The following TPM3 variants were observed in gnomAD, a reference collection of about 807,000 sequenced individuals.
TPM3 encodes the protein tropomyosin alpha-3 chain.
In TPM3, 16 loss-of-function variants were observed where a neutral mutation model predicts 43.1. That is an observed-to-expected ratio of 0.37 (90% CI 0.25 to 0.56). The LOEUF is 0.56. Among genes scored for constraint, TPM3 ranks in the 20% least tolerant of loss-of-function variants. TPM3 has a pLI of 0.77. For synonymous variants in TPM3, 101 were observed against 116.9 expected, an observed-to-expected ratio of 0.86 and a Z score of 0.88; for missense variants, 176 against 337.2, an observed-to-expected ratio of 0.52 and a Z score of 3.74.
At chr1:154,172,409 C>T (rs916343874) in intron 5 of TPM3, 27 of 593,046 alleles carry the variant, frequency 4.6e-5, no homozygotes, top group Non-Finnish European at 8.8e-5. Flanking sequence ...CCAAAACAGA[C>T]ACCAGATTTT....
intron 2 of TPM3, among the ~76,000 whole-genome samples, chr1:154,180,312 G>A (rs535988960): frequency 6.6e-6 from 1 of 152,236 alleles, no homozygotes; most frequent in East Asian, 1.9e-4. Flanking sequence ...ATCAGAGAGT[G>A]CAGTTTCCCG....
chr1:154,157,868 C>G, downstream of TPM3: 1 of 691,184 alleles, frequency 1.4e-6, no homozygotes. Flanking sequence ...ATTACATCAC[C>G]CAGTTTTGTA....
At chr1:154,161,738 C>T (rs937186408), downstream of TPM3, among the ~76,000 whole-genome samples, 1 of 151,900 alleles carries the variant, frequency 6.6e-6, no homozygotes, top group Non-Finnish European at 1.5e-5. Flanking sequence ...CACCCAGCCG[C>T]GTTATCAGGA....
intron 2 of TPM3, among the ~76,000 whole-genome samples, chr1:154,181,492 C>A (rs954269976): frequency 2.0e-5 from 3 of 152,222 alleles, no homozygotes; most frequent in African/African-American, 4.8e-5. Flanking sequence ...TTACTTTACT[C>A]TCTCAAGATC....
chr1:154,174,629 G>C (rs111725056), intron 3 of TPM3, among the ~76,000 whole-genome samples: 198 of 149,620 alleles, frequency 1.3e-3, no homozygotes, highest in African/African-American at 4.6e-3. Context: ...TGAGTAGCTG[G>C]GATTACAGGC....
Position 154,186,431 on chromosome 1 carries a change from G to A in TPM3, c.243+4755C>T, listed in dbSNP as rs1663412549. Among the ~76,000 whole-genome samples, 3 of 151,526 alleles carry A rather than the reference G, an allele frequency of 2.0e-5. No individual in the cohort carries two copies. In the South Asian group the frequency reaches 6.2e-4, roughly 31 times the overall value. ...CAAACAGATGGACTGACTCATGATA[G>A]CCTTTAGAAGCACAATGGATAGACA... On this transcript the variant is annotated intron_variant, in intron 2 of 9. Transcript: ENST00000651641.
chr1:154,157,190 C>G (rs985676738), downstream of TPM3: 1 of 304,336 alleles, frequency 3.3e-6, no homozygotes, highest in Non-Finnish European at 6.3e-6. Context: ...CTCGGTAAGG[C>G]AGGCCTACAC....
downstream of TPM3, among the ~76,000 whole-genome samples, chr1:154,160,873 T>C (rs1402392414): frequency 6.6e-6 from 1 of 152,134 alleles, no homozygotes; most frequent in Non-Finnish European, 1.5e-5. Flanking sequence ...ATTTTGGATT[T>C]TACATACACA....
chr1:154,190,449 T>C (rs184835550), intron 2 of TPM3, among the ~76,000 whole-genome samples: 107 of 152,280 alleles, frequency 7.0e-4, no homozygotes, highest in East Asian at 1.9e-4. Context: ...GTGATGATGA[T>C]GGGATAATAT....
Position 154,171,501 on chromosome 1 carries a change from T to A in TPM3, c.567-13A>T. The A allele has an allele frequency of 6.2e-7, 1 of 1,613,398 alleles. No individual in the cohort carries two copies. The highest frequency in any genetic ancestry group is 8.5e-7 in the Non-Finnish European group (1 of 1,179,486). On this transcript the variant is annotated splice_polypyrimidine_tract_variant and intron_variant, in intron 5 of 9. Transcript: ENST00000651641. Reference sequence around the variant, plus strand: ...CTCAGAACACTTACTGTGAATATTTTAAATACCACAGGAGAGGAAAAGGGA... The same window carrying A: ...CTCAGAACACTTACTGTGAATATTTAAAATACCACAGGAGAGGAAAAGGGA...
intron 9 of TPM3, 139 bp downstream of exon 9, chr1:154,169,166 C>T: frequency 1.0e-6 from 1 of 983,364 alleles, no homozygotes; most frequent in Non-Finnish European, 1.6e-6. Flanking sequence ...AAACAAATAA[C>T]CAGCACCAAT....
At chr1:154,181,594 A>T (rs1662952772) in intron 2 of TPM3, among the ~76,000 whole-genome samples, 1 of 152,194 alleles carries the variant, frequency 6.6e-6, no homozygotes, top group Non-Finnish European at 1.5e-5. Context: ...AAAACTAATC[A>T]GCCACTTTTA....
At chr1:154,171,584 T>A in intron 5 of TPM3, 96 bp from the exon 6 acceptor site, 1 of 1,341,960 alleles carries the variant, frequency 7.5e-7, no homozygotes, top group Non-Finnish European at 1.1e-6. Context: ...AACCTATATG[T>A]AGAGAGAGTT....
At chr1:154,179,733 G>A (rs925270506) in intron 2 of TPM3, among the ~76,000 whole-genome samples, 2 of 152,014 alleles carry the variant, frequency 1.3e-5, no homozygotes, top group African/African-American at 2.4e-5. Flanking sequence ...ACAGGCATGC[G>A]CCACCATGCC....
chr1:154,171,431 A>G lies in TPM3; in HGVS notation c.624T>C (p.Leu208=). ...CCCCTACCTTCTCCGCCTGAGCCTC[A>G]AGAGACTTGAGGTTGTTGGTGACAT... ...LKNVTNNLKS[L]EAQAEKYSQK... Residue 208 remains leucine (L), a synonymous_variant, in exon 6 of 10, where the codon CTT becomes CTC. Transcript: ENST00000651641. The G allele has an allele frequency of 6.2e-7, 1 of 1,614,148 alleles. No homozygotes were observed. Among genetic ancestry groups the G allele is most frequent in the African/African-American group, 1.3e-5 (1 of 75,054 alleles).
chr1:154,169,518 A>G, intron 8 of TPM3, 135 bp from the exon 9 acceptor site: 1 of 823,908 alleles, frequency 1.2e-6, no homozygotes, highest in Non-Finnish European at 2.0e-6. Flanking sequence ...GAAAATATCT[A>G]CTCTGGCAAC....
chr1:154,156,057 CCT>C (rs1275928510), downstream of TPM3: 1 of 176,886 alleles, frequency 5.7e-6, no homozygotes, highest in Non-Finnish European at 1.2e-5. Context: ...ATGGTGAAGC[CCT>C]GTCTCTACTT....
At chr1:154,182,346 A>G (rs1663051763) in intron 2 of TPM3, among the ~76,000 whole-genome samples, 1 of 152,190 alleles carries the variant, frequency 6.6e-6, no homozygotes, top group Non-Finnish European at 1.5e-5. Flanking sequence ...AGCACCCCGT[A>G]AGAGGAAAGG....
chr1:154,179,339 TG>T (rs1388814187), intron 2 of TPM3, among the ~76,000 whole-genome samples: 2 of 152,176 alleles, frequency 1.3e-5, no homozygotes, highest in Non-Finnish European at 2.9e-5. Context: ...CCTGTGAGTG[TG>T]TGTTCTAGTA....
Sources: gnomAD v4.1 joint callset for allele counts (sites outside exome capture counted in the v4.1 genomes callset) on GRCh38, gnomAD v4.1.1 for gene constraint, MANE v1.5 for transcripts, NCBI Gene and HGNC (gene_info 2026-07-23, HGNC 2026-07-21) for gene names.